The following ELOA variants were observed in gnomAD, a reference collection of about 807,000 sequenced individuals.
The protein encoded by ELOA is elongin A, also known as elongin-A.
A neutral mutation model predicts 85.2 loss-of-function variants in ELOA; 15 were observed. The observed-to-expected ratio is 0.18, with a 90% confidence interval of 0.12 to 0.27. The LOEUF is 0.27. Among genes scored for constraint, ELOA ranks in the 10% least tolerant of loss-of-function variants. The pLI is 1.00. For missense variants in ELOA, 769 were observed against 952.7 expected (o/e 0.81, Z 2.54); for synonymous variants, 348 against 357.2 (o/e 0.97, Z 0.29).
Position 23,754,104 on chromosome 1 carries a change from C to T in ELOA, c.1542C>T (p.Phe514=), listed in dbSNP as rs1420895049. The T allele has an allele frequency of 1.2e-6, 2 of 1,613,996 alleles. No homozygotes were observed. The highest frequency in any genetic ancestry group is 1.3e-5 in the African/African-American group (1 of 74,910). ...ISSFQPKRKA[F]SSPQEEEEAG... ...TGTGTTTTTCTTGCCCTATAGCGTT[C>T]TCTTCACCCCAGGAAGAAGAAGAAG... The change falls in exon 6 of 11, where the codon TTC becomes TTT. Residue 514 remains phenylalanine, a synonymous_variant. Transcript: ENST00000613537.
Position 23,755,225 on chromosome 1 carries a change from C to T in ELOA, c.1792-618C>T, listed in dbSNP as rs375233291. ...TTGCCCCTTTGCCATCACAGTTCAG[C>T]GTAGTGTTGGGAAGTACCTGATTTG... On this transcript the variant is annotated intron_variant, in intron 7 of 10. Coordinates refer to ENST00000613537, the MANE Select transcript of ELOA (RefSeq NM_003198.3). Among the ~76,000 whole-genome samples, 3 of 152,200 alleles carry T rather than the reference C, an allele frequency of 2.0e-5. No homozygotes were observed. In the East Asian group the frequency reaches 5.8e-4, roughly 29 times the overall value.
In ELOA at chr1:23,751,245, C is replaced by T; in HGVS notation, c.640C>T (p.His214Tyr). The T allele has an allele frequency of 1.2e-6, 2 of 1,614,176 alleles. No homozygotes were observed. The highest frequency in any genetic ancestry group is 1.7e-6 in the Non-Finnish European group (2 of 1,180,032). Residue 214 changes from histidine (H) to tyrosine (Y), a missense_variant, in exon 4 of 11, where the codon CAC (histidine) becomes TAC (tyrosine). Physicochemically the swap from His to Tyr is moderately conservative, Grantham distance 83. This residue lies in a region of ELOA where 440 missense variants were observed against 474.0 expected (regional missense o/e 0.93). Coordinates refer to ENST00000613537, the MANE Select transcript of ELOA (RefSeq NM_003198.3). ...IVSHQKPGKG[H>Y]SNAFQDRLGA... ...TTCACACCAGAAGCCTGGGAAAGGC[C>T]ACAGCAATGCCTTTCAGGACAGACT...
rs1638266818 is a variant in ELOA, at chr1:23,759,897, A to G, written c.*324A>G. 5.8e-5 allele frequency: 16 copies of G among 278,258 alleles called. No homozygotes were observed. In the South Asian group the frequency reaches 7.7e-4, roughly 13 times the overall value. The allele number at this position is 278,258 out of a possible 1,614,324, so 17.2% of individuals were successfully genotyped here. A position where few individuals can be genotyped will look rare whatever the true frequency, so the allele number is the denominator to read the frequency against. The stretch of plus-strand genomic sequence containing the variant: ...TTAATAAATATTGCCCCCAGATTGT[A>G]TTTATATTATCCCCCAGGTTTGTTT... On this transcript the variant is annotated 3_prime_UTR_variant, in exon 11 of 11. Transcript: ENST00000613537.
chr1:23,753,266 A>G (rs1310774975), intron 5 of ELOA, among the ~76,000 whole-genome samples: 1 of 152,248 alleles, frequency 6.6e-6, no homozygotes, highest in African/African-American at 2.4e-5. Context: ...TGCAAGTTAT[A>G]TGACCTTGAG....
intron 10 of ELOA, among the ~76,000 whole-genome samples, chr1:23,759,116 A>G (rs1009164892): frequency 4.6e-5 from 7 of 152,228 alleles, no homozygotes; most frequent in African/African-American, 1.7e-4. Flanking sequence ...TCTAGGAGGT[A>G]GAGGCTACAG....
Position 23,752,387 on chromosome 1 carries a change from C to T in ELOA, c.1426-20C>T, listed in dbSNP as rs747489897. ...TGCTTCTACTCACTGACTCTCCACC[C>T]ATGGGTCTGTCCCCTGCAGGTGCCT... On this transcript the variant is annotated intron_variant, in intron 4 of 10. Coordinates refer to ENST00000613537, the MANE Select transcript of ELOA (RefSeq NM_003198.3). The T allele has an allele frequency of 6.2e-7, 1 of 1,609,838 alleles. No individual in the cohort carries two copies. Among genetic ancestry groups the T allele is most frequent in the African/African-American group, 1.3e-5 (1 of 74,818 alleles).
intron 1 of ELOA, among the ~76,000 whole-genome samples, chr1:23,745,572 A>G (rs965779602): frequency 7.3e-5 from 11 of 150,948 alleles, no homozygotes; most frequent in African/African-American, 2.7e-4. Context: ...CTGAACTTCT[A>G]GCTTTGCATT....
At chr1:23,748,972 C>T in intron 1 of ELOA, 49 bp from the exon 2 acceptor site, 1 of 1,484,790 alleles carries the variant, frequency 6.7e-7, no homozygotes, top group Non-Finnish European at 9.4e-7. Flanking sequence ...ATCAGATATT[C>T]TTGTTAAAGT....
Position 23,752,496 on chromosome 1 carries a change from C to T in ELOA, c.1515C>T (p.Ser505=), listed in dbSNP as rs989936983. The T allele has an allele frequency of 1.2e-6, 2 of 1,614,074 alleles. No individual in the cohort carries two copies. Among genetic ancestry groups the T allele is most frequent in the Middle Eastern group, 1.7e-4 (1 of 6,060 alleles). The change falls in exon 5 of 11, where the codon TCC becomes TCT. Residue 505 remains serine (S), a synonymous_variant. Coordinates refer to ENST00000613537, the MANE Select transcript of ELOA (RefSeq NM_003198.3). ...CACTGCCTTCCCTCGAGCTGATATCCTCCTTCCAGCCAAAGCGAAAAGGTA... is the reference window on the plus strand; with the variant it reads ...CACTGCCTTCCCTCGAGCTGATATCTTCCTTCCAGCCAAAGCGAAAAGGTA... ...YRPLPSLELI[S]SFQPKRKAFS... is the part of the protein sequence containing the mutation.
chr1:23,752,128 G>C, intron 4 of ELOA, 98 bp downstream of exon 4: 13 of 1,245,906 alleles, frequency 1.0e-5, no homozygotes, highest in Non-Finnish European at 1.4e-5. Context: ...GCTTGCTTTT[G>C]GGGGGCATGT....
intron 1 of ELOA, among the ~76,000 whole-genome samples, chr1:23,744,853 C>G (rs1644739711): frequency 6.6e-6 from 1 of 152,108 alleles, no homozygotes; most frequent in Non-Finnish European, 1.5e-5. Flanking sequence ...TCTGCTGAGC[C>G]TCTTCCTCAC....
intron 5 of ELOA, among the ~76,000 whole-genome samples, chr1:23,753,522 C>A (rs1406135127): frequency 2.6e-5 from 4 of 151,942 alleles, no homozygotes; most frequent in Non-Finnish European, 5.9e-5. Context: ...GAAGTAGAAG[C>A]CACATAAGGG....
Position 23,751,037 on chromosome 1 carries a change from A to G in ELOA, c.432A>G (p.Lys144=). The change falls in exon 4 of 11, where the codon AAA becomes AAG. Residue 144 remains lysine, a synonymous_variant. Coordinates refer to ENST00000613537, the MANE Select transcript of ELOA (RefSeq NM_003198.3). ...RKLSELERPH[K]VSHGHERRDE... is the part of the protein sequence containing the mutation. ...TCTCGGAGCTCGAGAGACCTCACAA[A>G]GTGTCTCACGGTCATGAGAGGAGAG... 1 of 1,614,078 alleles carries G rather than the reference A, an allele frequency of 6.2e-7. No individual in the cohort carries two copies. Among genetic ancestry groups the G allele is most frequent in the Non-Finnish European group, 8.5e-7 (1 of 1,180,004 alleles).
intron 10 of ELOA, among the ~76,000 whole-genome samples, chr1:23,758,247 ATTTATTTATTTATTTTTTT>A (rs1266652863): frequency 0.01 from 584 of 56,766 alleles, 25 homozygotes; most frequent in African/African-American, 0.031. Flanking sequence ...GGGTCTTCCA[ATTTATTTATTTATTTTTTT>A]TTTTTTTTTT....
At chr1:23,744,433 T>C (rs1487109684) in intron 1 of ELOA, among the ~76,000 whole-genome samples, 2 of 152,060 alleles carry the variant, frequency 1.3e-5, no homozygotes, top group African/African-American at 4.8e-5. Flanking sequence ...GGAGACAGTC[T>C]GGTGGTTGTC....
intron 5 of ELOA, among the ~76,000 whole-genome samples, chr1:23,753,245 A>C (rs1224604952): frequency 1.3e-5 from 2 of 152,082 alleles, no homozygotes; most frequent in African/African-American, 4.8e-5. Flanking sequence ...TTGAATCCCA[A>C]CTCTGGTTTC....
chr1:23,754,132 G>C lies in ELOA; in HGVS notation c.1570G>C (p.Gly524Arg). ...TTCACCCCAGGAAGAAGAAGAAGCT[G>C]GATTTACTGGGCGCAGAATGAATTC... Reference protein sequence around the residue: ...FSSPQEEEEAGFTGRRMNSKM... With the variant: ...FSSPQEEEEARFTGRRMNSKM... Residue 524 changes from glycine (G) to arginine (R), a missense_variant, in exon 6 of 11, where the codon GGA becomes CGA. This residue lies in a region of ELOA where 193 missense variants were observed against 278.9 expected (regional missense o/e 0.69). Coordinates refer to ENST00000613537, the MANE Select transcript of ELOA (RefSeq NM_003198.3). 6.2e-7 allele frequency: 1 copy of C among 1,614,148 alleles called. No homozygotes were observed. The highest frequency in any genetic ancestry group is 8.5e-7 in the Non-Finnish European group (1 of 1,180,030).
In ELOA at chr1:23,750,341, A is replaced by G. The variant is rs1216376167; in HGVS notation, c.239+393A>G. Among the ~76,000 whole-genome samples the G allele has an allele frequency of 2.6e-5, 4 of 151,800 alleles. No homozygotes were observed. The East Asian group carries it at 7.7e-4, about 29-fold the overall frequency. On this transcript the variant is annotated intron_variant, in intron 3 of 10. Transcript: ENST00000613537. ...CAGGCACCCGCCACCACGCCCGGCT[A>G]ATTTTTTGTATTTTTAGTAGAGACA...
rs1172095229 is a variant in ELOA at position 23,755,755 on chromosome 1, A to C, written c.1792-88A>C. On this transcript the variant is annotated intron_variant, in intron 7 of 10. Coordinates refer to ENST00000613537, the MANE Select transcript of ELOA (RefSeq NM_003198.3). Reference sequence around the variant, plus strand: ...AAATTGCACCACTGCACTGCAGTCTACACGACAGAGCAAGACTCTGTCTCA... The same window carrying C: ...AAATTGCACCACTGCACTGCAGTCTCCACGACAGAGCAAGACTCTGTCTCA... 18 of 1,381,828 alleles carry C rather than the reference A, an allele frequency of 1.3e-5. No individual in the cohort carries two copies. In the East Asian group the frequency reaches 4.1e-4, roughly 31 times the overall value. 85.6% of individuals were successfully genotyped at this position (1,381,828 alleles called of 1,614,324 possible).
Sources: gnomAD v4.1 joint callset for allele counts (sites outside exome capture counted in the v4.1 genomes callset) on GRCh38, gnomAD v4.1.1 for gene constraint, gnomAD v4.1.1 regional missense constraint, MANE v1.5 for transcripts, NCBI Gene and HGNC (gene_info 2026-07-23, HGNC 2026-07-21) for gene names.